MANBA: variants seen among roughly 807,000 people sequenced by gnomAD.
The protein encoded by MANBA is beta-mannosidase.
A neutral mutation model predicts 111.1 loss-of-function variants in MANBA; 83 were observed. The ratio of observed to expected loss-of-function variants is 0.75; its 90% confidence interval spans 0.63 to 0.90. MANBA has a LOEUF of 0.90. Among genes scored for constraint, MANBA ranks in the 40% least tolerant of loss-of-function variants. MANBA has a pLI of 0.00. For missense variants in MANBA, 1,036 were observed against 1,069.0 expected, an observed-to-expected ratio of 0.97 and a Z score of 0.43; for synonymous variants, 370 against 378.7, an observed-to-expected ratio of 0.98 and a Z score of 0.27.
chr4:102,664,607 G>C, intron 11 of MANBA, 78 bp downstream of exon 11: 1 of 1,302,078 alleles, frequency 7.7e-7, no homozygotes, highest in Non-Finnish European at 1.1e-6. Context: ...CAAAGTGCTG[G>C]GATTACAGGC....
At chr4:102,758,555 T>C (rs1470053333) in intron 1 of MANBA, among the ~76,000 whole-genome samples, 1 of 150,716 alleles carries the variant, frequency 6.6e-6, no homozygotes, top group Admixed American at 6.6e-5. Flanking sequence ...TTTTTTCTTT[T>C]TTTTTTTTTT....
intron 11 of MANBA, among the ~76,000 whole-genome samples, chr4:102,660,695 T>C (rs1446979047): frequency 6.6e-6 from 1 of 151,102 alleles, no homozygotes; most frequent in Non-Finnish European, 1.5e-5. Context: ...GCCTCAAATG[T>C]TCCCCCTGCC....
intron 5 of MANBA, among the ~76,000 whole-genome samples, chr4:102,711,029 G>A (rs151207351): frequency 7.9e-5 from 12 of 152,006 alleles, no homozygotes; most frequent in Non-Finnish European, 1.6e-4. Flanking sequence ...GAAAACATAC[G>A]AGAAGCATTT....
At chr4:102,727,914 G>T in intron 1 of MANBA, 1 of 496,212 alleles carries the variant, frequency 2.0e-6, no homozygotes, top group South Asian at 1.8e-5. Context: ...GCAGAGAATG[G>T]AGGCCTCTTT....
chr4:102,726,791 T>A lies in MANBA; in HGVS notation c.178-108A>T, dbSNP rs1191848888. 8.6e-6 allele frequency: 6 copies of A among 693,984 alleles called. No homozygotes were observed. In the Admixed American group the frequency reaches 1.2e-4, roughly 13 times the overall value. 43.0% of individuals were successfully genotyped at this position (693,984 alleles called of 1,614,324 possible). On this transcript the variant is annotated intron_variant, in intron 1 of 16. Transcript: ENST00000647097. ...ACAACAGCTATTTATCACCTAAAAA[T>A]TAACGAACTTTTAGCCTAGTAGTAC...
chr4:102,645,950 T>C (rs1046272161), intron 13 of MANBA, among the ~76,000 whole-genome samples: 1 of 152,140 alleles, frequency 6.6e-6, no homozygotes, highest in Non-Finnish European at 1.5e-5. Context: ...ACACCATTAT[T>C]GCAACTGTGA....
chr4:102,692,632 C>T (rs192713045), intron 5 of MANBA, among the ~76,000 whole-genome samples: 1 of 151,826 alleles, frequency 6.6e-6, no homozygotes, highest in Admixed American at 6.6e-5. Flanking sequence ...TTAGAGTCAG[C>T]AAAAAAAGTT....
chr4:102,757,927 C>G (rs927133274), intron 1 of MANBA, among the ~76,000 whole-genome samples: 1 of 152,222 alleles, frequency 6.6e-6, no homozygotes, highest in Admixed American at 6.5e-5. Flanking sequence ...CCACACTGGC[C>G]TGCTGACTAT....
rs530254373 is a variant in MANBA at position 102,737,756 on chromosome 4, A to T, written c.178-11073T>A. On this transcript the variant is annotated intron_variant, in intron 1 of 16. Coordinates refer to ENST00000647097, the MANE Select transcript of MANBA (RefSeq NM_005908.4). Reference sequence around the variant, plus strand: ...CTCGGCCTCCCAAACTGCTGGGATGACAGGCATGAGCGACTGCGCCCGGCC... The same window carrying T: ...CTCGGCCTCCCAAACTGCTGGGATGTCAGGCATGAGCGACTGCGCCCGGCC... Among the ~76,000 whole-genome samples the T allele has an allele frequency of 2.8e-3, 430 of 152,270 alleles. 1 individual carries two copies. The highest frequency in any genetic ancestry group is 5.6e-3 in the Non-Finnish European group (378 of 68,014).
At chr4:102,651,170 T>C (rs1353112628) in intron 12 of MANBA, among the ~76,000 whole-genome samples, 1 of 152,092 alleles carries the variant, frequency 6.6e-6, no homozygotes, top group Non-Finnish European at 1.5e-5. Context: ...AGGGATACTA[T>C]GAGAGTAGAT....
At chr4:102,740,526 C>T (rs924553131) in intron 1 of MANBA, among the ~76,000 whole-genome samples, 2 of 152,160 alleles carry the variant, frequency 1.3e-5, no homozygotes, top group African/African-American at 4.8e-5. Context: ...TGAGATATCA[C>T]ATTACCTGAC....
At chr4:102,659,073 A>C (rs1295306283) in intron 11 of MANBA, 1 of 152,212 alleles carries the variant, frequency 6.6e-6, no homozygotes, top group Non-Finnish European at 1.5e-5. Flanking sequence ...AGAGAGAGAA[A>C]GAGAGAGAAT....
At chr4:102,657,603 T>C in intron 12 of MANBA, 79 bp downstream of exon 12, 4 of 1,158,490 alleles carry the variant, frequency 3.5e-6, no homozygotes, top group Non-Finnish European at 5.1e-6. Context: ...TTCATATGAT[T>C]TTCTGAACCA....
intron 1 of MANBA, among the ~76,000 whole-genome samples, chr4:102,749,675 C>A (rs1337328807): frequency 1.3e-5 from 2 of 152,154 alleles, no homozygotes; most frequent in Non-Finnish European, 2.9e-5. Flanking sequence ...CTTTGCTGAG[C>A]CTCAGTCACT....
intron 5 of MANBA, among the ~76,000 whole-genome samples, chr4:102,695,920 C>G (rs935770184): frequency 2.6e-5 from 4 of 152,080 alleles, no homozygotes; most frequent in African/African-American, 9.7e-5. Flanking sequence ...CTAAGAGGGT[C>G]TCTGTAAAAA....
At chr4:102,720,930 C>T (rs897568410) in intron 4 of MANBA, among the ~76,000 whole-genome samples, 6 of 152,096 alleles carry the variant, frequency 3.9e-5, no homozygotes, top group African/African-American at 1.5e-4. Flanking sequence ...TGAAAAAGAG[C>T]CATTTAATTT....
rs1731483442 is a variant in MANBA, at chr4:102,671,270, C to T, written c.1230+11G>A. The T allele has an allele frequency of 4.1e-6, 6 of 1,465,562 alleles. No individual in the cohort carries two copies. Among genetic ancestry groups the T allele is most frequent in the Non-Finnish European group, 5.7e-6 (6 of 1,044,972 alleles). The allele number at this position is 1,465,562 out of a possible 1,614,324, so 90.8% of individuals were successfully genotyped here. On this transcript the variant is annotated intron_variant, in intron 9 of 16. Coordinates refer to ENST00000647097, the MANE Select transcript of MANBA (RefSeq NM_005908.4). ...AACTTATCAATATATAAAATGCTAT[C>T]AACTTCTCACCATTATTCCTAGTTC...
chr4:102,681,478 T>C (rs1364575638), intron 7 of MANBA: 1 of 152,198 alleles, frequency 6.6e-6, no homozygotes, highest in East Asian at 1.9e-4. Flanking sequence ...ATTTCAATTC[T>C]AAAGACACTA....
chr4:102,746,023 G>A (rs757033066), intron 1 of MANBA, among the ~76,000 whole-genome samples: 3 of 152,156 alleles, frequency 2.0e-5, no homozygotes, highest in Non-Finnish European at 4.4e-5. Context: ...CTCAGAGGAG[G>A]CCATCACTGT....
Sources: gnomAD v4.1 joint callset for allele counts (sites outside exome capture counted in the v4.1 genomes callset) on GRCh38, gnomAD v4.1.1 for gene constraint, MANE v1.5 for transcripts, NCBI Gene and HGNC (gene_info 2026-07-23, HGNC 2026-07-21) for gene names.